FBXO34: variants seen among roughly 807,000 people sequenced by gnomAD.
FBXO34 encodes F-box protein 34.
Under a neutral mutation model 24.5 loss-of-function variants are expected in FBXO34, and 12 were observed. The ratio of observed to expected loss-of-function variants is 0.49; its 90% CI spans 0.31 to 0.79. FBXO34 has a LOEUF of 0.79. Among genes scored for constraint, FBXO34 ranks in the 30% least tolerant of loss-of-function variants. The probability of loss-of-function intolerance (pLI) is 0.04; values close to 1 mark genes in which losing one functional copy is unlikely to be tolerated. For synonymous variants in FBXO34, 320 were observed against 311.9 expected, an observed-to-expected ratio of 1.03 and a Z score of -0.27; for missense variants, 823 against 857.7, an observed-to-expected ratio of 0.96 and a Z score of 0.51.
At chr14:55,428,707 T>C in the FBXO34 span, 5 of 1,328,242 alleles carry the variant, frequency 3.8e-6, no homozygotes, top group African/African-American at 3.0e-5. Context: ...CCTTTTTTTT[T>C]TTAATCACAA....
chr14:55,385,097 T>G, the FBXO34 span, among the ~76,000 whole-genome samples: 1 of 152,218 alleles, frequency 6.6e-6, no homozygotes. Flanking sequence ...TAAGCCAACA[T>G]GTAGTGCCCA....
the FBXO34 span, chr14:55,386,157 G>A: frequency 7.3e-7 from 1 of 1,367,508 alleles, no homozygotes; most frequent in Non-Finnish European, 1.0e-6. Flanking sequence ...GTACTGCAGA[G>A]CTCCACCCCA....
chr14:55,405,542 C>G, the FBXO34 span, among the ~76,000 whole-genome samples: 379 of 152,340 alleles, frequency 2.5e-3, no homozygotes, highest in Admixed American at 7.2e-3. Flanking sequence ...CCAGCAGATA[C>G]ATTTCCCCAG....
chr14:55,414,518 T>C, the FBXO34 span: 1 of 1,191,682 alleles, frequency 8.4e-7, no homozygotes, highest in South Asian at 1.5e-5. Context: ...ACTTAAACAC[T>C]AAAATTTCAT....
chr14:55,313,904 A>G (rs1360817241), intron 1 of FBXO34, among the ~76,000 whole-genome samples: 3 of 152,088 alleles, frequency 2.0e-5, no homozygotes, highest in African/African-American at 4.8e-5. Flanking sequence ...CACATATACT[A>G]GAAACTGTGT....
chr14:55,369,739 G>A (rs1403123600), downstream of FBXO34: 1 of 1,614,000 alleles, frequency 6.2e-7, no homozygotes, highest in East Asian at 2.2e-5. Context: ...GACTCTGGGA[G>A]ACTTCCACAG....
chr14:55,426,370 A>G, the FBXO34 span, among the ~76,000 whole-genome samples: 2 of 152,228 alleles, frequency 1.3e-5, no homozygotes, highest in African/African-American at 4.8e-5. Flanking sequence ...GTGCCTGGTA[A>G]CAAAAGGAGA....
the FBXO34 span, chr14:55,395,172 G>C: frequency 6.4e-5 from 29 of 453,306 alleles, no homozygotes; most frequent in Non-Finnish European, 1.8e-5. Context: ...TAAGCGTGCC[G>C]ATCTCCTCTT....
At chr14:55,369,247 A>G (rs1884754733), downstream of FBXO34, 1 of 165,994 alleles carries the variant, frequency 6.0e-6, no homozygotes, top group African/African-American at 2.4e-5. Flanking sequence ...TGTCAGGAAC[A>G]GTCTCAGCAC....
intron 1 of FBXO34, among the ~76,000 whole-genome samples, chr14:55,340,994 A>G (rs187950244): frequency 2.0e-5 from 3 of 152,378 alleles, no homozygotes; most frequent in African/African-American, 7.2e-5. Flanking sequence ...TTATGTTTAC[A>G]TAAAAATACA....
chr14:55,288,059 A>G (rs1881821153), intron 1 of FBXO34, among the ~76,000 whole-genome samples: 1 of 152,230 alleles, frequency 6.6e-6, no homozygotes, highest in Non-Finnish European at 1.5e-5. Context: ...TTTTTGGATT[A>G]GGAATTCTCA....
At chr14:55,433,159 T>C in the FBXO34 span, among the ~76,000 whole-genome samples, 1 of 152,064 alleles carries the variant, frequency 6.6e-6, no homozygotes, top group Non-Finnish European at 1.5e-5. Context: ...GACAGGGTCT[T>C]GCTCTGTAAC....
At chr14:55,435,576 A>G in the FBXO34 span, among the ~76,000 whole-genome samples, 10,282 of 152,156 alleles carry the variant, frequency 0.068, 388 homozygotes, top group Non-Finnish European at 0.088. Flanking sequence ...GCCCAGCCTA[A>G]GTGAAAAATT....
chr14:55,352,620 T>C lies in FBXO34; in HGVS notation c.*94T>C, dbSNP rs1211588945. The C allele has an allele frequency of 3.0e-6, 3 of 993,576 alleles. No homozygotes were observed. The highest frequency in any genetic ancestry group is 2.9e-6 in the Non-Finnish European group (2 of 682,516). The allele number at this position is 993,576 out of a possible 1,614,324, so 61.5% of individuals were successfully genotyped here. On this transcript the variant is annotated 3_prime_UTR_variant, in exon 2 of 2. Coordinates refer to ENST00000313833, the MANE Select transcript of FBXO34 (RefSeq NM_017943.4). ...TGAGCGTAGCCCCCTGAGTCATCAC[T>C]CTAGAAGAATCTGTACATCATCAGG... is the stretch of plus-strand genomic sequence containing the variant.
chr14:55,285,824 TAAATACATGTTG>T (rs1881742813), intron 1 of FBXO34, among the ~76,000 whole-genome samples: 3 of 152,240 alleles, frequency 2.0e-5, no homozygotes, highest in Non-Finnish European at 4.4e-5. Flanking sequence ...GGCTATGATT[TAAATACATGTTG>T]GTGTTACTGA....
chr14:55,411,795 G>T, the FBXO34 span: 80 of 1,599,732 alleles, frequency 5.0e-5, no homozygotes, highest in East Asian at 1.3e-3. Flanking sequence ...TCCAGCGCCC[G>T]GGCTCCCTTC....
the FBXO34 span, among the ~76,000 whole-genome samples, chr14:55,436,378 A>G: frequency 6.6e-6 from 1 of 152,226 alleles, no homozygotes; most frequent in Non-Finnish European, 1.5e-5. Flanking sequence ...GTCAAGAATT[A>G]GTGCTTTGCC....
downstream of FBXO34, among the ~76,000 whole-genome samples, chr14:55,362,274 T>C (rs1884603393): frequency 6.6e-6 from 1 of 152,204 alleles, no homozygotes; most frequent in Non-Finnish European, 1.5e-5. Flanking sequence ...TTAAGTTTGC[T>C]CTCTTATACA....
intron 1 of FBXO34, among the ~76,000 whole-genome samples, chr14:55,326,555 T>C (rs1883348287): frequency 6.6e-6 from 1 of 152,158 alleles, no homozygotes. Flanking sequence ...AAATCATAGA[T>C]CAAGATGTGA....
Sources: gnomAD v4.1 joint callset for allele counts (sites outside exome capture counted in the v4.1 genomes callset) on GRCh38, gnomAD v4.1.1 for gene constraint, MANE v1.5 for transcripts, NCBI Gene and HGNC (gene_info 2026-07-23, HGNC 2026-07-21) for gene names.